CALCR: variants seen among roughly 807,000 people sequenced by gnomAD.
CALCR encodes calcitonin receptor.
A neutral mutation model predicts 59.5 loss-of-function variants in CALCR; 47 were observed. The observed-to-expected ratio is 0.79, with a 90% confidence interval of 0.63 to 1.01. The LOEUF is 1.01. Among genes scored for constraint, CALCR ranks in the 50% least tolerant of loss-of-function variants. The pLI is 0.00. For missense variants in CALCR, 566 were observed against 597.1 expected, an observed-to-expected ratio of 0.95 and a Z score of 0.54; for synonymous variants, 213 against 211.3, an observed-to-expected ratio of 1.01 and a Z score of -0.07.
chr7:93,544,304 G>C (rs1789225718), intron 2 of CALCR, among the ~76,000 whole-genome samples: 1 of 152,078 alleles, frequency 6.6e-6, no homozygotes, highest in African/African-American at 2.4e-5. Flanking sequence ...TACTAGCTAA[G>C]GCTGGGTGTT....
chr7:93,491,150 A>G (rs1801066619), intron 2 of CALCR, among the ~76,000 whole-genome samples: 1 of 152,080 alleles, frequency 6.6e-6, no homozygotes, highest in South Asian at 2.1e-4. Context: ...AATACAAGCA[A>G]TGGGGAAAGG....
chr7:93,487,806 A>G (rs1800981609), intron 2 of CALCR, among the ~76,000 whole-genome samples: 1 of 151,448 alleles, frequency 6.6e-6, no homozygotes, highest in Non-Finnish European at 1.5e-5. Context: ...CTGTTGCACT[A>G]TATCTACTGT....
intron 9 of CALCR, among the ~76,000 whole-genome samples, chr7:93,442,444 A>G (rs897913098): frequency 6.6e-6 from 1 of 152,182 alleles, no homozygotes; most frequent in Non-Finnish European, 1.5e-5. Flanking sequence ...GGAAACCAGT[A>G]TGGCATAACA....
At chr7:93,473,171 A>C (rs909549005) in intron 5 of CALCR, among the ~76,000 whole-genome samples, 2 of 151,804 alleles carry the variant, frequency 1.3e-5, no homozygotes, top group African/African-American at 4.8e-5. Context: ...ATGCTAGTTA[A>C]TGAAATCCCT....
chr7:93,557,945 T>C (rs1789649357), intron 2 of CALCR, among the ~76,000 whole-genome samples: 1 of 152,008 alleles, frequency 6.6e-6, no homozygotes. Flanking sequence ...AGACCCTAAC[T>C]CTTTTTAATC....
intron 2 of CALCR, among the ~76,000 whole-genome samples, chr7:93,534,920 C>T (rs1166313374): frequency 1.3e-5 from 2 of 151,660 alleles, no homozygotes; most frequent in Non-Finnish European, 3.0e-5. Context: ...ATGTAGTGTT[C>T]AATCTATATA....
intron 2 of CALCR, among the ~76,000 whole-genome samples, chr7:93,525,235 G>A (rs761668990): frequency 5.7e-4 from 87 of 151,858 alleles, no homozygotes; most frequent in Non-Finnish European, 1.2e-3. Context: ...CTTTCCACTT[G>A]ACAAATGCAA....
At position 93,436,039 on chromosome 7, in the gene CALCR, G is replaced by T. The variant is rs1482410673; in HGVS notation, c.1062C>A (p.Ile354=). Residue 354 remains isoleucine (I), a synonymous_variant, in exon 12 of 14, where the codon ATC becomes ATA. Coordinates refer to ENST00000426151, the MANE Select transcript of CALCR (RefSeq NM_001742.4). ...GTCTCCAGGGAAAGACGACAAACTG[G>T]ATTCCCAGCAGGGGCACAAGGATCA... The part of the protein sequence containing the change: ...ATMILVPLLG[I]QFVVFPWRPS... 9 of 1,613,704 alleles carry T rather than the reference G, an allele frequency of 5.6e-6. No individual in the cohort carries two copies. The South Asian group carries it at 9.9e-5, about 18-fold the overall frequency.
intron 2 of CALCR, among the ~76,000 whole-genome samples, chr7:93,524,401 A>T (rs540217446): frequency 1.3e-5 from 2 of 151,968 alleles, no homozygotes; most frequent in East Asian, 3.9e-4. Context: ...TGATCTCCTG[A>T]CCTCGTGATC....
intron 2 of CALCR, among the ~76,000 whole-genome samples, chr7:93,542,491 C>A (rs903420909): frequency 2.6e-5 from 4 of 152,054 alleles, no homozygotes; most frequent in African/African-American, 7.2e-5. Flanking sequence ...AATGTGAAGG[C>A]CTAGGACATT....
chr7:93,563,559 C>T (rs1341444007), intron 2 of CALCR, among the ~76,000 whole-genome samples: 1 of 152,110 alleles, frequency 6.6e-6, no homozygotes, highest in Non-Finnish European at 1.5e-5. Flanking sequence ...GTGTAAATCA[C>T]AATGCAGAGT....
At chr7:93,476,819 A>G (rs1800676686) in intron 5 of CALCR, among the ~76,000 whole-genome samples, 1 of 151,906 alleles carries the variant, frequency 6.6e-6, no homozygotes, top group Non-Finnish European at 1.5e-5. Context: ...ATTTAGTTAG[A>G]GATTCCAGGA....
intron 2 of CALCR, among the ~76,000 whole-genome samples, chr7:93,554,250 G>A (rs1250780997): frequency 6.6e-6 from 1 of 151,872 alleles, no homozygotes; most frequent in African/African-American, 2.4e-5. Flanking sequence ...ATGCTTTGTT[G>A]GAAACATCAT....
intron 2 of CALCR, among the ~76,000 whole-genome samples, chr7:93,561,513 G>T (rs547509902): frequency 6.6e-6 from 1 of 151,558 alleles, no homozygotes; most frequent in Admixed American, 6.6e-5. Context: ...GGGGACATAG[G>T]GTTAAGAAAT....
chr7:93,567,409 T>A (rs1237166101), intron 2 of CALCR, among the ~76,000 whole-genome samples: 1 of 152,198 alleles, frequency 6.6e-6, no homozygotes, highest in African/African-American at 2.4e-5. Context: ...CCCTGTCTTT[T>A]GTAATCTGAT....
At chr7:93,439,833 G>T (rs1799863359) in intron 9 of CALCR, among the ~76,000 whole-genome samples, 1 of 152,148 alleles carries the variant, frequency 6.6e-6, no homozygotes. Flanking sequence ...ACAGTCTGGA[G>T]AGGGCTGCAA....
chr7:93,472,543 A>G, intron 5 of CALCR, 56 bp from the exon 6 acceptor site: 1 of 1,021,616 alleles, frequency 9.8e-7, no homozygotes. Flanking sequence ...CAACAAGGAA[A>G]AATAATAAAT....
chr7:93,538,658 C>G (rs973741637), intron 2 of CALCR, among the ~76,000 whole-genome samples: 2 of 151,888 alleles, frequency 1.3e-5, no homozygotes, highest in African/African-American at 4.8e-5. Context: ...ATTGCAGACC[C>G]CTTTTGTGCA....
intron 2 of CALCR, among the ~76,000 whole-genome samples, chr7:93,521,845 T>G (rs1465985740): frequency 6.6e-6 from 1 of 152,198 alleles, no homozygotes; most frequent in Admixed American, 6.5e-5. Flanking sequence ...ATTCTTTCTC[T>G]TTATCAAAAT....
Sources: gnomAD v4.1 joint callset for allele counts (sites outside exome capture counted in the v4.1 genomes callset) on GRCh38, gnomAD v4.1.1 for gene constraint, MANE v1.5 for transcripts, NCBI Gene and HGNC (gene_info 2026-07-23, HGNC 2026-07-21) for gene names.